The following EYA4 variants were observed in gnomAD, a reference collection of about 807,000 sequenced individuals.
The protein encoded by EYA4 is protein phosphatase EYA4.
Under a neutral mutation model 87.9 loss-of-function variants are expected in EYA4, and 31 were observed. The ratio of observed to expected loss-of-function variants is 0.35; its 90% CI spans 0.27 to 0.48. The LOEUF (loss-of-function observed/expected upper bound fraction) is 0.48. EYA4 is among the 20% of genes least tolerant of loss of function. EYA4 has a pLI of 0.99. For synonymous variants in EYA4, 263 were observed against 270.6 expected, an observed-to-expected ratio of 0.97 and a Z score of 0.28; for missense variants, 678 against 761.4, an observed-to-expected ratio of 0.89 and a Z score of 1.29.
chr6:133,484,954 TAAAA>T (rs1310642794), intron 13 of EYA4, among the ~76,000 whole-genome samples: 33 of 152,346 alleles, frequency 2.2e-4, no homozygotes, highest in African/African-American at 7.7e-4. Flanking sequence ...GATCTTTCTT[TAAAA>T]ATAGAAAGAT....
At chr6:133,298,822 A>T (rs1018535288) in intron 2 of EYA4, among the ~76,000 whole-genome samples, 10 of 152,206 alleles carry the variant, frequency 6.6e-5, no homozygotes, top group Admixed American at 6.5e-4. Flanking sequence ...AACCTACAGA[A>T]ATAATTTCAT....
At chr6:133,322,887 A>C (rs1454500771) in intron 2 of EYA4, among the ~76,000 whole-genome samples, 1 of 152,178 alleles carries the variant, frequency 6.6e-6, no homozygotes, top group Non-Finnish European at 1.5e-5. Context: ...TGAGTTGCAA[A>C]ACTTACATGT....
intron 13 of EYA4, chr6:133,502,601 G>C (rs1798230050): frequency 6.6e-6 from 1 of 152,170 alleles, no homozygotes; most frequent in Non-Finnish European, 1.5e-5. Context: ...GGGATTCTTG[G>C]ATCTGTGAGT....
intron 2 of EYA4, among the ~76,000 whole-genome samples, chr6:133,344,513 G>A (rs527831495): frequency 2.6e-5 from 4 of 152,118 alleles, no homozygotes; most frequent in Admixed American, 1.3e-4. Flanking sequence ...TCAGCTTTAC[G>A]ATATATTTGA....
intron 2 of EYA4, among the ~76,000 whole-genome samples, chr6:133,307,928 G>A (rs1054037700): frequency 2.6e-5 from 4 of 152,088 alleles, no homozygotes; most frequent in African/African-American, 9.7e-5. Flanking sequence ...CTGATAGGAG[G>A]TGATTGAATC....
intron 2 of EYA4, among the ~76,000 whole-genome samples, chr6:133,334,115 G>A (rs144992520): frequency 3.9e-5 from 6 of 152,286 alleles, no homozygotes; most frequent in Non-Finnish European, 8.8e-5. Flanking sequence ...CATTCAGTCC[G>A]TGAAAATGAG....
chr6:133,453,569 T>A (rs1433552402), intron 5 of EYA4: 2 of 152,104 alleles, frequency 1.3e-5, no homozygotes, highest in African/African-American at 4.8e-5. Flanking sequence ...TACTGCTTTT[T>A]ATTTAGAAAA....
chr6:133,468,752 G>T, intron 11 of EYA4, 21 bp downstream of exon 11: 1 of 1,611,776 alleles, frequency 6.2e-7, no homozygotes, highest in Non-Finnish European at 8.5e-7. Context: ...TCACCCAGGT[G>T]AAATACTTTT....
intron 3 of EYA4, among the ~76,000 whole-genome samples, chr6:133,421,175 C>G (rs1347161419): frequency 6.6e-6 from 1 of 152,202 alleles, no homozygotes; most frequent in Non-Finnish European, 1.5e-5. Flanking sequence ...CTACCTTTCT[C>G]TCTAAGCAGA....
chr6:133,489,151 G>A (rs1015693111), intron 13 of EYA4, among the ~76,000 whole-genome samples: 3 of 152,072 alleles, frequency 2.0e-5, no homozygotes, highest in African/African-American at 7.2e-5. Context: ...AATTGATAAA[G>A]CAGAAAAAAG....
At chr6:133,442,218 A>G (rs1792374107) in intron 3 of EYA4, among the ~76,000 whole-genome samples, 1 of 152,254 alleles carries the variant, frequency 6.6e-6, no homozygotes, top group Admixed American at 6.5e-5. Context: ...CAAAATATTT[A>G]TAATGTTCTG....
At chr6:133,374,508 A>G (rs1785519968) in intron 2 of EYA4, among the ~76,000 whole-genome samples, 1 of 152,116 alleles carries the variant, frequency 6.6e-6, no homozygotes, top group South Asian at 2.1e-4. Context: ...CTTAATAGGT[A>G]TGTTATTTTG....
chr6:133,483,458 T>C (rs1490868762), intron 13 of EYA4, among the ~76,000 whole-genome samples: 1 of 151,270 alleles, frequency 6.6e-6, no homozygotes, highest in Non-Finnish European at 1.5e-5. Flanking sequence ...ATAAAAGAGC[T>C]TTAAGAAATT....
chr6:133,326,947 G>A (rs144468293), intron 2 of EYA4, among the ~76,000 whole-genome samples: 1 of 152,138 alleles, frequency 6.6e-6, no homozygotes, highest in East Asian at 1.9e-4. Flanking sequence ...TCCTGCCCCT[G>A]TGCCTTGACC....
At chr6:133,515,262 C>A in intron 16 of EYA4, 59 bp from the exon 17 acceptor site, 1 of 843,296 alleles carries the variant, frequency 1.2e-6, no homozygotes, top group Non-Finnish European at 2.1e-6. Flanking sequence ...GGAATCTAAA[C>A]TAGATATTCT....
At chr6:133,467,556 A>G (rs548216184) in intron 10 of EYA4, among the ~76,000 whole-genome samples, 4 of 152,196 alleles carry the variant, frequency 2.6e-5, no homozygotes, top group Admixed American at 1.3e-4. Flanking sequence ...AGTGGGAAAC[A>G]TTGGATCTTG....
At chr6:133,510,200 TGA>T (rs1474056447) in intron 14 of EYA4, among the ~76,000 whole-genome samples, 1 of 152,182 alleles carries the variant, frequency 6.6e-6, no homozygotes, top group African/African-American at 2.4e-5. Flanking sequence ...AAAATTACAA[TGA>T]GAGGATATTA....
At chr6:133,468,396 G>A (rs1239098322) in intron 10 of EYA4, among the ~76,000 whole-genome samples, 170 bp from the exon 11 acceptor site, 4 of 152,044 alleles carry the variant, frequency 2.6e-5, no homozygotes, top group African/African-American at 2.4e-5. Context: ...ATGTTTGTAA[G>A]AAATGCCCAC....
chr6:133,273,920 T>C (rs1259174302), intron 1 of EYA4, among the ~76,000 whole-genome samples: 2 of 152,092 alleles, frequency 1.3e-5, no homozygotes, highest in Non-Finnish European at 2.9e-5. Flanking sequence ...TGTGTGTGTG[T>C]GCGTGTATGT....
Sources: gnomAD v4.1 joint callset for allele counts (sites outside exome capture counted in the v4.1 genomes callset) on GRCh38, gnomAD v4.1.1 for gene constraint, MANE v1.5 for transcripts, NCBI Gene and HGNC (gene_info 2026-07-23, HGNC 2026-07-21) for gene names.